The following FOXN3 variants were observed in gnomAD, a reference collection of about 807,000 sequenced individuals.
FOXN3 encodes the protein forkhead box protein N3.
Under a neutral mutation model 38.4 loss-of-function variants are expected in FOXN3, and 7 were observed. The observed-to-expected ratio is 0.18, with a 90% CI of 0.10 to 0.34. The LOEUF (loss-of-function observed/expected upper bound fraction) is 0.34. Ranked by LOEUF, FOXN3 falls within the 10% of genes least tolerant of loss-of-function variation. The pLI, the probability that FOXN3 is intolerant of heterozygous loss-of-function variation, is 1.00. For missense variants in FOXN3, 456 were observed against 613.4 expected, an observed-to-expected ratio of 0.74 and a Z score of 2.71; for synonymous variants, 230 against 242.2, an observed-to-expected ratio of 0.95 and a Z score of 0.47.
At chr14:89,564,198 T>G (rs1474001335) in intron 1 of FOXN3, among the ~76,000 whole-genome samples, 1 of 151,988 alleles carries the variant, frequency 6.6e-6, no homozygotes, top group East Asian at 1.9e-4. Context: ...AAAATAATAG[T>G]TAAGGAGAAA....
At chr14:89,486,698 A>G (rs1443151996) in intron 1 of FOXN3, 1 of 152,186 alleles carries the variant, frequency 6.6e-6, no homozygotes, top group Non-Finnish European at 1.5e-5. Flanking sequence ...GGAAGTCAGA[A>G]TTAAGCAGAA....
chr14:89,514,160 G>A (rs904013291), intron 1 of FOXN3, among the ~76,000 whole-genome samples: 5 of 152,202 alleles, frequency 3.3e-5, no homozygotes, highest in African/African-American at 1.2e-4. Flanking sequence ...AGAAAGTGGT[G>A]AGGGAGAAGG....
At chr14:89,237,494 C>T (rs894814100) in intron 4 of FOXN3, among the ~76,000 whole-genome samples, 2 of 151,392 alleles carry the variant, frequency 1.3e-5, no homozygotes, top group Non-Finnish European at 2.9e-5. Flanking sequence ...CATTTATCAT[C>T]GTAAATGATA....
rs562909951 is a variant in FOXN3, at chr14:89,504,310, G to A, written c.-14-91820C>T. Among the ~76,000 whole-genome samples, 12 of 152,360 alleles carry A rather than the reference G, an allele frequency of 7.9e-5. No homozygotes were observed. In the South Asian group the frequency reaches 2.5e-3, roughly 32 times the overall value. On this transcript the variant is annotated intron_variant, in intron 1 of 6. Transcript: ENST00000345097. Reference sequence around the variant, plus strand: ...CAACCCATGTGTTTGCAGGACGGCTGCATTGCCATGGGGTAAGTCCAAACA... The same window carrying A: ...CAACCCATGTGTTTGCAGGACGGCTACATTGCCATGGGGTAAGTCCAAACA...
intron 1 of FOXN3, among the ~76,000 whole-genome samples, chr14:89,483,132 A>C (rs1893374388): frequency 6.6e-6 from 1 of 152,108 alleles, no homozygotes; most frequent in Non-Finnish European, 1.5e-5. Flanking sequence ...GCTTGAACCC[A>C]GGAGGTGGAG....
rs1243253673 is a variant in FOXN3, at chr14:89,568,880, T to TA, written c.-15+50147dup. On this transcript the variant is annotated intron_variant, in intron 1 of 6. Coordinates refer to the FOXN3 transcript ENST00000345097. The stretch of plus-strand genomic sequence containing the variant: ...ATGGATGGTTTGGCCCTTTCTTAGA[T>TA]AAACTTCAAGTTGAGTTATGATTAT... 2.6e-5 allele frequency among the ~76,000 whole-genome samples: 4 copies of TA among 152,382 alleles called. No individual in the cohort carries two copies. The East Asian group carries it at 7.7e-4, about 29-fold the overall frequency.
At chr14:89,214,021 C>T (rs1884186047) in intron 4 of FOXN3, among the ~76,000 whole-genome samples, 1 of 151,996 alleles carries the variant, frequency 6.6e-6, no homozygotes, top group South Asian at 2.1e-4. Context: ...GGGCAATATG[C>T]AAACAAAAAA....
At chr14:89,506,663 C>T (rs546835104) in intron 1 of FOXN3, among the ~76,000 whole-genome samples, 1 of 152,234 alleles carries the variant, frequency 6.6e-6, no homozygotes, top group South Asian at 2.1e-4. Context: ...GGATAACAAT[C>T]GCGGTTTTGT....
chr14:89,554,782 C>CTTTTT (rs34530866), intron 1 of FOXN3, among the ~76,000 whole-genome samples: 86 of 68,496 alleles, frequency 1.3e-3, no homozygotes, highest in East Asian at 3.9e-3. Context: ...ACTAGCATTT[C>CTTTTT]TTTTTTTTTT....
intron 4 of FOXN3, among the ~76,000 whole-genome samples, chr14:89,186,120 A>G (rs1165919818): frequency 6.6e-6 from 1 of 152,152 alleles, no homozygotes; most frequent in African/African-American, 2.4e-5. Context: ...GCAGCAGGTG[A>G]TTCCGCTAAT....
intron 4 of FOXN3, among the ~76,000 whole-genome samples, chr14:89,188,062 GC>G (rs1376361447): frequency 2.0e-5 from 3 of 152,098 alleles, no homozygotes; most frequent in African/African-American, 7.2e-5. Flanking sequence ...CTGTCTTGGA[GC>G]CCCGTTCTTG....
chr14:89,227,616 C>T (rs891618653), intron 4 of FOXN3, among the ~76,000 whole-genome samples: 1 of 152,130 alleles, frequency 6.6e-6, no homozygotes, highest in Non-Finnish European at 1.5e-5. Context: ...TAAGATGACC[C>T]CCAGTGAGTC....
chr14:89,193,529 C>T (rs1196517652), intron 4 of FOXN3, among the ~76,000 whole-genome samples: 2 of 152,102 alleles, frequency 1.3e-5, no homozygotes, highest in East Asian at 3.9e-4. Flanking sequence ...CTATGACCCC[C>T]CACCCCCCCA....
At chr14:89,406,188 C>T (rs7156707) in intron 2 of FOXN3, among the ~76,000 whole-genome samples, 56,590 of 151,616 alleles carry the variant, frequency 0.37, 13,163 homozygotes, top group Admixed American at 0.51. Context: ...CTCAAGTCAT[C>T]TGCTTGCCTC....
intron 1 of FOXN3, among the ~76,000 whole-genome samples, chr14:89,584,084 T>C (rs1895797709): frequency 6.7e-6 from 1 of 149,734 alleles, no homozygotes; most frequent in Non-Finnish European, 1.5e-5. Flanking sequence ...GGTCTTGAAC[T>C]CTTTACTCAA....
intron 1 of FOXN3, among the ~76,000 whole-genome samples, chr14:89,500,467 AT>A (rs1660165377): frequency 4.6e-5 from 7 of 152,230 alleles, no homozygotes; most frequent in Admixed American, 2.6e-4. Flanking sequence ...GCCTTATTCA[AT>A]AGGAGAGGTC....
chr14:89,263,267 G>T (rs1323403942), intron 4 of FOXN3, among the ~76,000 whole-genome samples: 1 of 151,814 alleles, frequency 6.6e-6, no homozygotes, highest in Non-Finnish European at 1.5e-5. Flanking sequence ...TTGCTGAAGG[G>T]TTTTCATTTT....
intron 2 of FOXN3, among the ~76,000 whole-genome samples, chr14:89,391,021 A>G (rs1261932543): frequency 1.3e-5 from 2 of 152,196 alleles, no homozygotes; most frequent in African/African-American, 4.8e-5. Flanking sequence ...GATCCAGCCC[A>G]CCACAGTCCA....
At chr14:89,437,369 T>C (rs1892294499) in intron 1 of FOXN3, among the ~76,000 whole-genome samples, 1 of 152,138 alleles carries the variant, frequency 6.6e-6, no homozygotes, top group Non-Finnish European at 1.5e-5. Context: ...GACCTTAACC[T>C]GAACCTGGGC....
Sources: allele counts gnomAD v4.1 joint callset (sites outside exome capture counted in the v4.1 genomes callset), GRCh38; gene constraint gnomAD v4.1.1; transcripts MANE v1.5; gene names NCBI Gene and HGNC (gene_info 2026-07-23, HGNC 2026-07-21).